LIPF: variants seen among roughly 807,000 people sequenced by gnomAD.
LIPF encodes the protein lipase F, gastric type, also known as gastric triacylglycerol lipase.
LIPF carries 25 observed loss-of-function variants against 38.0 expected under a neutral mutation model. That is an observed-to-expected ratio of 0.66 (90% CI 0.48 to 0.92). The LOEUF (loss-of-function observed/expected upper bound fraction) is 0.92, where lower values mean the gene tolerates loss of function less well. Ranked by LOEUF, LIPF falls within the 40% of genes least tolerant of loss-of-function variation. LIPF has a pLI of 0.00. For missense variants in LIPF, 410 were observed against 469.9 expected (o/e 0.87, Z 1.18); for synonymous variants, 161 against 156.2 (o/e 1.03, Z -0.23).
At chr10:88,665,809 TCTCCGCTCACTGCAAC>T (rs1294358799) in intron 1 of LIPF, among the ~76,000 whole-genome samples, 1 of 146,116 alleles carries the variant, frequency 6.8e-6, no homozygotes, top group Non-Finnish European at 1.5e-5. Context: ...AATGGTGCGA[TCTCCGCTCACTGCAAC>T]CTCCGCCTCC....
At chr10:88,675,286 T>G (rs1841668296) in intron 7 of LIPF, among the ~76,000 whole-genome samples, 1 of 152,196 alleles carries the variant, frequency 6.6e-6, no homozygotes. Flanking sequence ...TTAAAGTATC[T>G]GTCTCCATTC....
chr10:88,668,473 G>GTCATATGGAAGACTGTT, intron 3 of LIPF, 85 bp from the exon 4 acceptor site: 1 of 1,151,736 alleles, frequency 8.7e-7, no homozygotes, highest in Non-Finnish European at 1.3e-6. Flanking sequence ...TTTAGTGCTA[G>GTCATATGGAAGACTGTT]TCATATGGAA....
At position 88,678,635 on chromosome 10, in the gene LIPF, A is replaced by T. The variant is rs1841726296; in HGVS notation, c.1151A>T (p.Glu384Val). ...DFIWAMDAPQ[E>V]VYNDIVSMIS... ...ATCTGGGCAATGGATGCCCCTCAAGAAGTTTACAATGACATTGTTTCTATG... is the reference window on the plus strand; with the variant it reads ...ATCTGGGCAATGGATGCCCCTCAAGTAGTTTACAATGACATTGTTTCTATG... The change falls in exon 10 of 10, where the codon GAA becomes GTA. Residue 384 changes from glutamate to valine, a missense_variant. Transcript: ENST00000238983. The T allele has an allele frequency of 6.2e-7, 1 of 1,613,234 alleles. No individual in the cohort carries two copies. The highest frequency in any genetic ancestry group is 1.7e-5 in the Admixed American group (1 of 59,996).
chr10:88,665,532 C>T (rs1343676820), intron 1 of LIPF: 2 of 1,534,476 alleles, frequency 1.3e-6, no homozygotes, highest in Non-Finnish European at 1.7e-6. Context: ...CATCTTTGAG[C>T]CCATTGAGAT....
chr10:88,667,793 T>C lies in LIPF; in HGVS notation c.223+107T>C, dbSNP rs1841536755. 3 of 596,782 alleles carry C rather than the reference T, an allele frequency of 5.0e-6. No homozygotes were observed. In the East Asian group the frequency reaches 7.9e-5, roughly 16 times the overall value. The allele number at this position is 596,782 out of a possible 1,614,324, so 37.0% of individuals were successfully genotyped here. ...CCTCCAACTTTTCCTTCTTTTGTTC[T>C]TCCCTTTTTCCTCCTTTTATTTCTT... On this transcript the variant is annotated intron_variant, in intron 3 of 9. Transcript: ENST00000238983.
At chr10:88,668,505 T>A in intron 3 of LIPF, 53 bp from the exon 4 acceptor site, 2 of 1,505,606 alleles carry the variant, frequency 1.3e-6, no homozygotes, top group Non-Finnish European at 1.8e-6. Context: ...GCCTCACATT[T>A]ATCCTAGAAT....
chr10:88,678,534 T>C lies in LIPF; in HGVS notation c.1050T>C (p.Asp350=), dbSNP rs1841723696. ...GGKDLLADPQ[D]VGLLLPKLPN... ...AGGACCTGTTGGCTGACCCCCAAGA[T>C]GTTGGCCTTTTGCTTCCAAAACTCC... The change falls in exon 10 of 10, where the codon GAT becomes GAC. Residue 350 remains aspartate (D), a synonymous_variant. Coordinates refer to ENST00000238983, the MANE Select transcript of LIPF (RefSeq NM_004190.4). 6.2e-7 allele frequency: 1 copy of C among 1,613,940 alleles called. No homozygotes were observed. The highest frequency in any genetic ancestry group is 8.5e-7 in the Non-Finnish European group (1 of 1,179,888).
Position 88,669,754 on chromosome 10 carries a change from G to A in LIPF, c.423-83G>A. ...AGAATCCAGTTTTCTGTATCCCAAA[G>A]GGATCATTAGCTATAAATGCTTGAA... On this transcript the variant is annotated intron_variant, in intron 4 of 9. Transcript: ENST00000238983. The A allele has an allele frequency of 5.3e-6, 5 of 942,294 alleles. No individual in the cohort carries two copies. The South Asian group carries it at 7.7e-5, about 15-fold the overall frequency. The allele number at this position is 942,294 out of a possible 1,614,324, so 58.4% of individuals were successfully genotyped here. A position where few individuals can be genotyped will look rare whatever the true frequency, so the allele number is the denominator to read the frequency against.
chr10:88,673,997 T>C (rs117002950), intron 7 of LIPF, among the ~76,000 whole-genome samples: 4 of 152,274 alleles, frequency 2.6e-5, no homozygotes, highest in Non-Finnish European at 5.9e-5. Flanking sequence ...AAATACTAGG[T>C]GTTACATTTA....
In LIPF at chr10:88,678,650, T is replaced by C. The variant is rs779559230; in HGVS notation, c.1166T>C (p.Ile389Thr). ...GCCCCTCAAGAAGTTTACAATGACA[T>C]TGTTTCTATGATATCAGAAGATAAA... The part of the protein sequence containing the change: ...MDAPQEVYND[I>T]VSMISEDKK The change falls in exon 10 of 10, where the codon ATT (isoleucine) becomes ACT (threonine). Residue 389 changes from isoleucine to threonine, a missense_variant. Ile to Thr is a moderately conservative substitution (Grantham distance 89, BLOSUM62 -1). Coordinates refer to ENST00000238983, the MANE Select transcript of LIPF (RefSeq NM_004190.4). 1 of 1,611,436 alleles carries C rather than the reference T, an allele frequency of 6.2e-7. No homozygotes were observed. The highest frequency in any genetic ancestry group is 8.5e-7 in the Non-Finnish European group (1 of 1,177,554).
intron 7 of LIPF, among the ~76,000 whole-genome samples, chr10:88,674,264 G>T (rs987771921): frequency 1.3e-5 from 2 of 152,154 alleles, no homozygotes; most frequent in East Asian, 3.8e-4. Context: ...CGCCTCTTGG[G>T]TTCACGCCAT....
chr10:88,665,468 T>C (rs1283870344), intron 1 of LIPF: 3 of 1,164,638 alleles, frequency 2.6e-6, no homozygotes, highest in Admixed American at 4.0e-5. Context: ...TAATTACTGG[T>C]ATTTTCCTAG....
chr10:88,675,477 C>T (rs762992615), intron 7 of LIPF, 109 bp from the exon 8 acceptor site: 1 of 812,014 alleles, frequency 1.2e-6, no homozygotes, highest in Admixed American at 2.4e-5. Flanking sequence ...CCAGTAAATG[C>T]TACCTTTAAA....
At chr10:88,669,724 T>C in intron 4 of LIPF, 113 bp from the exon 5 acceptor site, 1 of 720,692 alleles carries the variant, frequency 1.4e-6, no homozygotes, top group South Asian at 1.8e-5. Flanking sequence ...AGCATCAATG[T>C]TTAGAGAATC....
intron 5 of LIPF, 28 bp from the exon 6 acceptor site, chr10:88,671,801 T>C (rs1172038298): frequency 6.2e-7 from 1 of 1,600,530 alleles, no homozygotes; most frequent in Admixed American, 1.8e-5. Flanking sequence ...ACACACACCT[T>C]TTTCACCAGT....
intron 7 of LIPF, among the ~76,000 whole-genome samples, chr10:88,674,182 T>C (rs1355141237): frequency 3.4e-5 from 5 of 149,078 alleles, no homozygotes; most frequent in Non-Finnish European, 7.4e-5. Context: ...GCCCATATTC[T>C]TTTTTTGAGA....
intron 8 of LIPF, 57 bp from the exon 9 acceptor site, chr10:88,676,152 T>A: frequency 9.5e-7 from 1 of 1,049,748 alleles, no homozygotes; most frequent in South Asian, 1.5e-5. Context: ...ATGTTTGAAT[T>A]TTATTTTTCA....
At chr10:88,675,565 T>A (rs1413669938) in intron 7 of LIPF, 21 bp from the exon 8 acceptor site, 1 of 1,565,524 alleles carries the variant, frequency 6.4e-7, no homozygotes, top group Non-Finnish European at 8.8e-7. Flanking sequence ...GTATATAATA[T>A]GTGTGTCTGT....
At position 88,678,520 on chromosome 10, in the gene LIPF, G is replaced by A. The variant is rs779012127; in HGVS notation, c.1036G>A (p.Ala346Thr). 1.2e-6 allele frequency: 2 copies of A among 1,613,842 alleles called. No individual in the cohort carries two copies. The highest frequency in any genetic ancestry group is 1.1e-5 in the South Asian group (1 of 91,060). Residue 346 changes from alanine (A) to threonine (T), a missense_variant, in exon 10 of 10, where the codon GCT becomes ACT. By Grantham distance (58) the Ala-to-Thr change is moderately conservative. Coordinates refer to ENST00000238983, the MANE Select transcript of LIPF (RefSeq NM_004190.4). ...GTGGAACGGTGGCAAGGACCTGTTG[G>A]CTGACCCCCAAGATGTTGGCCTTTT... ...AVWNGGKDLL[A>T]DPQDVGLLLP...
Sources: gnomAD v4.1 joint callset for allele counts (sites outside exome capture counted in the v4.1 genomes callset) on GRCh38, gnomAD v4.1.1 for gene constraint, MANE v1.5 for transcripts, NCBI Gene and HGNC (gene_info 2026-07-23, HGNC 2026-07-21) for gene names.